The following TRIM66 variants were observed in gnomAD, a reference collection of about 807,000 sequenced individuals.
TRIM66 encodes the protein tripartite motif containing 66, also known as tripartite motif-containing protein 66.
A neutral mutation model predicts 148.2 loss-of-function variants in TRIM66; 99 were observed. That is an observed-to-expected ratio of 0.67 (90% CI 0.57 to 0.79). The LOEUF (loss-of-function observed/expected upper bound fraction) is 0.79. Ranked by LOEUF, TRIM66 falls within the 30% of genes least tolerant of loss-of-function variation. The pLI, the probability that TRIM66 is intolerant of heterozygous loss-of-function variation, is 0.00. For synonymous variants in TRIM66, 616 were observed against 635.9 expected (o/e 0.97, Z 0.47); for missense variants, 1,666 against 1,697.9 (o/e 0.98, Z 0.33).
chr11:8,642,843 CAAAAAAAAAAAA>C (rs60432547), intron 13 of TRIM66, among the ~76,000 whole-genome samples, 154 bp downstream of exon 13: 13 of 73,240 alleles, frequency 1.8e-4, no homozygotes, highest in Non-Finnish European at 2.9e-4. Flanking sequence ...TCTTCCCCCT[CAAAAAAAAAAAA>C]AAAAAAAAAA....
rs751498229 is a variant in TRIM66 at position 8,621,790 on chromosome 11, T to G, written c.3110A>C (p.Tyr1037Ser). The G allele has an allele frequency of 6.5e-7, 1 of 1,549,882 alleles. No individual in the cohort carries two copies. The highest frequency in any genetic ancestry group is 8.7e-7 in the Non-Finnish European group (1 of 1,146,382). Reference protein sequence around the residue: ...RAFNSEHKIPYVRLERLKICA... With the variant: ...RAFNSEHKIPSVRLERLKICA... ...GATCTTGAGTCGCTCCAGTCGCACATAGGGAATCTTATGCTCACTATTGAA... is the reference window on the plus strand; with the variant it reads ...GATCTTGAGTCGCTCCAGTCGCACAGAGGGAATCTTATGCTCACTATTGAA... Residue 1037 changes from tyrosine to serine, a missense_variant, in exon 19 of 25, where the codon TAT (tyrosine) becomes TCT (serine). Around this residue, in one of 3 missense-constraint regions of TRIM66, gnomAD observed 1,431 missense variants for 1,412.4 expected, o/e 1.01. Transcript: ENST00000646038.
chr11:8,624,863 C>A lies in TRIM66; in HGVS notation c.2676G>T (p.Val892=). ...GCAGAGGACAAGTTGCCAGACTCGG[C>A]ACAGCCTGGGTGTGACCAGACATTA... ...PSLMSGHTQA[V]PSLATCPLQS... is the part of the protein sequence containing the mutation. The change falls in exon 16 of 25, where the codon GTG becomes GTT. Residue 892 remains valine (V), a synonymous_variant. Coordinates refer to ENST00000646038, the MANE Select transcript of TRIM66 (RefSeq NM_001388022.1). The A allele has an allele frequency of 6.4e-7, 1 of 1,551,690 alleles. No homozygotes were observed. Among genetic ancestry groups the A allele is most frequent in the African/African-American group, 1.4e-5 (1 of 73,168 alleles).
At chr11:8,674,994 TAG>T (rs1372520222) in intron 3 of TRIM66, 111 bp from the exon 4 acceptor site, 1 of 152,268 alleles carries the variant, frequency 6.6e-6, no homozygotes, top group Admixed American at 6.5e-5. Context: ...ATTTATAAGG[TAG>T]ACTCTGAACC....
chr11:8,645,500 G>A (rs1209694140), intron 12 of TRIM66, among the ~76,000 whole-genome samples: 2 of 152,196 alleles, frequency 1.3e-5, no homozygotes, highest in Admixed American at 6.5e-5. Context: ...ACCTTTGGGA[G>A]GGCAGGACCA....
intron 6 of TRIM66, among the ~76,000 whole-genome samples, chr11:8,669,910 T>C (rs1227992388): frequency 6.6e-6 from 1 of 152,156 alleles, no homozygotes; most frequent in African/African-American, 2.4e-5. Context: ...GTTATATAGG[T>C]ACATTGTGTG....
Position 8,624,966 on chromosome 11 carries a change from G to T in TRIM66, c.2573C>A (p.Ser858Tyr). ...GGAGTCACTTATCAGGTTGGGCATG[G>T]ACTGGAATGTGCTATGCACAAGGCT... is the stretch of plus-strand genomic sequence containing the variant. ...VPSLVHSTFQSMPNLISDSPQ... is the reference protein window; with the variant it reads ...VPSLVHSTFQYMPNLISDSPQ... Residue 858 changes from serine (S) to tyrosine (Y), a missense_variant, in exon 16 of 25, where the codon TCC becomes TAC. Ser to Tyr is a moderately radical substitution (Grantham distance 144, BLOSUM62 -2). Around this residue, in one of 3 missense-constraint regions of TRIM66, gnomAD observed 1,431 missense variants for 1,412.4 expected, o/e 1.01. Transcript: ENST00000646038. 3 of 1,551,750 alleles carry T rather than the reference G, an allele frequency of 1.9e-6. No individual in the cohort carries two copies. Among genetic ancestry groups the T allele is most frequent in the South Asian group, 2.4e-5 (2 of 84,048 alleles).
chr11:8,634,890 G>A (rs529535765), intron 15 of TRIM66, among the ~76,000 whole-genome samples: 1 of 152,276 alleles, frequency 6.6e-6, no homozygotes, highest in Admixed American at 6.5e-5. Context: ...AGGTTCTTCT[G>A]GTCCATGACC....
At chr11:8,663,120 C>CA (rs1207227000) in intron 6 of TRIM66, 1 of 152,262 alleles carries the variant, frequency 6.6e-6, no homozygotes, top group African/African-American at 2.4e-5. Flanking sequence ...ATTCTCACCA[C>CA]ACTCCTACCT....
At chr11:8,657,305 A>C (rs1336419648) in intron 6 of TRIM66, among the ~76,000 whole-genome samples, 1 of 152,170 alleles carries the variant, frequency 6.6e-6, no homozygotes, top group Non-Finnish European at 1.5e-5. Flanking sequence ...GCTCCAGGCA[A>C]CTTGAAGCTG....
At position 8,638,903 on chromosome 11, in the gene TRIM66, G is replaced by C. The variant is rs995540707; in HGVS notation, c.2149-88C>G. On this transcript the variant is annotated intron_variant, in intron 14 of 24. Transcript: ENST00000646038. ...GGCAGCAAAGGCTAGTGCTCACCCTGCCATGTGCATCATCACCACTTGCAC... is the reference window on the plus strand; with the variant it reads ...GGCAGCAAAGGCTAGTGCTCACCCTCCCATGTGCATCATCACCACTTGCAC... The C allele has an allele frequency of 4.4e-6, 6 of 1,367,672 alleles. No individual in the cohort carries two copies. In the African/African-American group the frequency reaches 8.8e-5, roughly 20 times the overall value. The allele number at this position is 1,367,672 out of a possible 1,614,324, so 84.7% of individuals were successfully genotyped here. A position where few individuals can be genotyped will look rare whatever the true frequency, so the allele number is the denominator to read the frequency against.
chr11:8,647,574 T>G (rs1303144126), intron 10 of TRIM66, among the ~76,000 whole-genome samples: 2 of 152,192 alleles, frequency 1.3e-5, no homozygotes, highest in Non-Finnish European at 2.9e-5. Context: ...GACTTGTAGA[T>G]TTACAGAGAA....
rs2034102590 is a variant in TRIM66, at chr11:8,620,501, C to G, written c.3617G>C (p.Cys1206Ser). 8 of 1,551,804 alleles carry G rather than the reference C, an allele frequency of 5.2e-6. No homozygotes were observed. The East Asian group carries it at 2.0e-4, about 38-fold the overall frequency. ...TGCCCGCATTCCAGGCTGGTTATAG[C>G]AGGCATTCTCACAGTCGTACTCCAT... ...PEMEYDCENA[C>S]YNQPGMRASP... The change falls in exon 21 of 25, where the codon TGC (cysteine) becomes TCC (serine). Residue 1206 changes from cysteine to serine, a missense_variant. Physicochemically the swap from Cys to Ser is moderately radical, Grantham distance 112 (BLOSUM62 -1). Around this residue, in one of 3 missense-constraint regions of TRIM66, gnomAD observed 31 missense variants for 54.4 expected, o/e 0.57. Transcript: ENST00000646038.
intron 1 of TRIM66, chr11:8,680,784 G>A (rs1309437587): frequency 6.6e-6 from 1 of 152,288 alleles, no homozygotes; most frequent in Non-Finnish European, 1.5e-5. Flanking sequence ...TAAGGACAAG[G>A]ACAGAAGGCT....
intron 15 of TRIM66, among the ~76,000 whole-genome samples, chr11:8,630,859 C>T (rs1235627215): frequency 1.3e-5 from 2 of 152,192 alleles, no homozygotes; most frequent in African/African-American, 4.8e-5. Flanking sequence ...TGACCTACGA[C>T]TTCCCTGAAT....
intron 12 of TRIM66, chr11:8,644,559 G>A (rs916282778): frequency 2.2e-5 from 8 of 365,302 alleles, no homozygotes; most frequent in South Asian, 1.8e-4. Context: ...GACTGTCCTT[G>A]TGTTTAAGGT....
chr11:8,661,287 C>G (rs2038235588), intron 6 of TRIM66, among the ~76,000 whole-genome samples: 1 of 152,210 alleles, frequency 6.6e-6, no homozygotes, highest in Non-Finnish European at 1.5e-5. Flanking sequence ...ATGCACGATC[C>G]ACAGCCTTCA....
chr11:8,673,733 C>T (rs568813484), intron 4 of TRIM66, among the ~76,000 whole-genome samples: 2 of 152,272 alleles, frequency 1.3e-5, no homozygotes, highest in East Asian at 1.9e-4. Context: ...AATTTGTAAA[C>T]TATATTCAGT....
rs1479527759 is a variant in TRIM66, at chr11:8,617,630, AAAATTCACCAAGG to A, written c.*301_*313del. On this transcript the variant is annotated 3_prime_UTR_variant, in exon 25 of 25. Coordinates refer to ENST00000646038, the MANE Select transcript of TRIM66 (RefSeq NM_001388022.1). ...ACGGGTCTGCTTTCCCAGGCAGAAA[AAAATTCACCAAGG>A]AAAGTAGGTTTTCCCGAGCCTAACC... is the stretch of plus-strand genomic sequence containing the variant. The A allele has an allele frequency of 8.5e-6, 3 of 354,992 alleles. No individual in the cohort carries two copies. The East Asian group carries it at 1.4e-4, about 17-fold the overall frequency. The allele number at this position is 354,992 out of a possible 1,614,324, so 22.0% of individuals were successfully genotyped here. A position where few individuals can be genotyped will look rare whatever the true frequency, so the allele number is the denominator to read the frequency against.
chr11:8,635,009 G>A (rs903580395), intron 15 of TRIM66, among the ~76,000 whole-genome samples: 1 of 152,150 alleles, frequency 6.6e-6, no homozygotes, highest in Non-Finnish European at 1.5e-5. Flanking sequence ...ACCAAACTAG[G>A]CTGGGTCCTA....
Sources: allele counts gnomAD v4.1 joint callset (sites outside exome capture counted in the v4.1 genomes callset), GRCh38; gene constraint gnomAD v4.1.1; regional missense constraint gnomAD v4.1.1; transcripts MANE v1.5; gene names NCBI Gene and HGNC (gene_info 2026-07-23, HGNC 2026-07-21).